The following FAT3 variants were observed in gnomAD, a reference collection of about 807,000 sequenced individuals.
The protein encoded by FAT3 is FAT atypical cadherin 3.
In FAT3, 95 loss-of-function variants were observed where a neutral mutation model predicts 310.2. The ratio of observed to expected loss-of-function variants is 0.31; its 90% CI spans 0.26 to 0.36. The LOEUF is 0.36. Among genes scored for constraint, FAT3 ranks in the 10% least tolerant of loss-of-function variants. FAT3 has a pLI of 1.00. For missense variants in FAT3, 5,408 were observed against 5,715.6 expected (o/e 0.95, Z 1.74); for synonymous variants, 2,314 against 2,192.9 (o/e 1.06, Z -1.54).
chr11:92,706,027 A>G (rs900099073), intron 4 of FAT3, among the ~76,000 whole-genome samples: 1 of 150,690 alleles, frequency 6.6e-6, no homozygotes, highest in Non-Finnish European at 1.5e-5. Context: ...AGTTGTGACT[A>G]TAGTGGTGGC....
At chr11:92,594,163 G>A (rs2135567507) in intron 3 of FAT3, among the ~76,000 whole-genome samples, 1 of 152,272 alleles carries the variant, frequency 6.6e-6, no homozygotes, top group Admixed American at 6.5e-5. Context: ...ATAATTTGAT[G>A]GCTGGGCAGT....
intron 4 of FAT3, among the ~76,000 whole-genome samples, chr11:92,700,555 G>A (rs1176592268): frequency 6.6e-6 from 1 of 152,132 alleles, no homozygotes; most frequent in Non-Finnish European, 1.5e-5. Flanking sequence ...AGTGGATCAA[G>A]TAGGTCTAAC....
At chr11:92,680,069 T>C (rs1237277422) in intron 3 of FAT3, among the ~76,000 whole-genome samples, 1 of 151,894 alleles carries the variant, frequency 6.6e-6, no homozygotes, top group East Asian at 1.9e-4. Context: ...TCACTCCATT[T>C]ATTACTTATT....
chr11:92,835,720 C>T (rs1305278112), intron 15 of FAT3, among the ~76,000 whole-genome samples: 1 of 152,058 alleles, frequency 6.6e-6, no homozygotes, highest in Non-Finnish European at 1.5e-5. Context: ...AAATCCCTGT[C>T]CCCCTTTCCC....
intron 4 of FAT3, among the ~76,000 whole-genome samples, chr11:92,712,283 G>C (rs1362914144): frequency 1.3e-5 from 2 of 152,114 alleles, no homozygotes; most frequent in African/African-American, 4.8e-5. Flanking sequence ...CCAACTTGGA[G>C]CTATTAAGAA....
At chr11:92,814,612 T>C (rs7129086) in intron 13 of FAT3, among the ~76,000 whole-genome samples, 2,046 of 151,978 alleles carry the variant, frequency 0.013, 50 homozygotes, top group African/African-American at 0.046. Context: ...AGTTAAAGGG[T>C]GAATAGTAGT....
At chr11:92,672,363 C>A (rs1043191703) in intron 3 of FAT3, among the ~76,000 whole-genome samples, 1 of 152,146 alleles carries the variant, frequency 6.6e-6, no homozygotes, top group Non-Finnish European at 1.5e-5. Context: ...GCAGGAAAAT[C>A]TAGAAGAAAT....
intron 3 of FAT3, among the ~76,000 whole-genome samples, chr11:92,534,141 G>T (rs75013437): frequency 0.012 from 1,798 of 152,176 alleles, 38 homozygotes; most frequent in African/African-American, 0.04. Flanking sequence ...ATACTGCTGG[G>T]CTGTGTGTCC....
intron 3 of FAT3, among the ~76,000 whole-genome samples, chr11:92,691,457 G>A (rs936761896): frequency 6.6e-6 from 1 of 152,124 alleles, no homozygotes; most frequent in African/African-American, 2.4e-5. Context: ...GTGCAGTGAC[G>A]TAATCATAGC....
chr11:92,476,723 T>C (rs753842575), intron 2 of FAT3, among the ~76,000 whole-genome samples: 2 of 152,098 alleles, frequency 1.3e-5, no homozygotes, highest in Non-Finnish European at 2.9e-5. Flanking sequence ...GAAATCAACA[T>C]GGAGAGAAAA....
At chr11:92,850,204 A>G (rs1334137964) in intron 19 of FAT3, among the ~76,000 whole-genome samples, 1 of 152,160 alleles carries the variant, frequency 6.6e-6, no homozygotes, top group Non-Finnish European at 1.5e-5. Context: ...ATTAATCTTA[A>G]CAGGTTAACT....
chr11:92,524,781 T>C lies in FAT3; in HGVS notation c.3440T>C (p.Leu1147Pro). Reference sequence around the variant, plus strand: ...GAAGATGTGAATGACAATGCCCCGCTGACCTCAGAACCTATATATTATCCT... The same window carrying C: ...GAAGATGTGAATGACAATGCCCCGCCGACCTCAGAACCTATATATTATCCT... The part of the protein sequence containing the change: ...EVEDVNDNAP[L>P]TSEPIYYPVV... The change falls in exon 3 of 28, where the codon CTG becomes CCG. Residue 1147 changes from leucine (L) to proline (P), a missense_variant. Leu to Pro is a moderately conservative substitution (Grantham distance 98, BLOSUM62 -3). Transcript: ENST00000525166. The C allele has an allele frequency of 6.2e-7, 1 of 1,613,828 alleles. No homozygotes were observed. The highest frequency in any genetic ancestry group is 8.5e-7 in the Non-Finnish European group (1 of 1,179,828).
intron 2 of FAT3, among the ~76,000 whole-genome samples, chr11:92,386,396 C>A (rs1015773197): frequency 2.6e-5 from 4 of 152,096 alleles, no homozygotes; most frequent in Non-Finnish European, 5.9e-5. Context: ...AGTGAACATT[C>A]AATAAACGAT....
intron 1 of FAT3, among the ~76,000 whole-genome samples, chr11:92,229,487 T>A (rs1008074595): frequency 7.3e-6 from 1 of 137,604 alleles, no homozygotes; most frequent in Non-Finnish European, 1.5e-5. Context: ...TTTTTGTTTT[T>A]TCGTGTTTTT....
At chr11:92,872,732 A>G (rs926967348) in intron 22 of FAT3, among the ~76,000 whole-genome samples, 1 of 152,236 alleles carries the variant, frequency 6.6e-6, no homozygotes, top group Non-Finnish European at 1.5e-5. Context: ...TATACAATAT[A>G]TAAAATGTGA....
chr11:92,587,450 C>T (rs1474885051), intron 3 of FAT3, among the ~76,000 whole-genome samples: 1 of 151,968 alleles, frequency 6.6e-6, no homozygotes, highest in Non-Finnish European at 1.5e-5. Flanking sequence ...ACTTGCAGGT[C>T]AAAGGAATGC....
intron 3 of FAT3, among the ~76,000 whole-genome samples, chr11:92,563,016 G>C (rs1467945233): frequency 1.3e-5 from 2 of 152,080 alleles, no homozygotes; most frequent in African/African-American, 2.4e-5. Flanking sequence ...CCATCATATA[G>C]TGCTATAGTA....
intron 2 of FAT3, among the ~76,000 whole-genome samples, chr11:92,470,921 C>A (rs1478208520): frequency 6.6e-6 from 1 of 152,122 alleles, no homozygotes; most frequent in African/African-American, 2.4e-5. Flanking sequence ...AGGAAGGAAA[C>A]ATACTTGTAA....
chr11:92,738,687 A>G (rs1246118378), intron 4 of FAT3, among the ~76,000 whole-genome samples: 3 of 152,194 alleles, frequency 2.0e-5, no homozygotes, highest in African/African-American at 7.2e-5. Context: ...AAATATGTTT[A>G]GTTAATTTTT....
Sources: allele counts gnomAD v4.1 joint callset (sites outside exome capture counted in the v4.1 genomes callset), GRCh38; gene constraint gnomAD v4.1.1; transcripts MANE v1.5; gene names NCBI Gene and HGNC (gene_info 2026-07-23, HGNC 2026-07-21).